Variants in ATAD2B observed in about 807,000 individuals in gnomAD.
The protein encoded by ATAD2B is ATPase family AAA domain-containing protein 2B.
ATAD2B carries 40 observed loss-of-function variants against 167.6 expected under a neutral mutation model. That is an observed-to-expected ratio of 0.24 (90% CI 0.19 to 0.31). ATAD2B has a LOEUF of 0.31. ATAD2B is among the 10% of genes least tolerant of loss of function. The pLI is 1.00. For missense variants in ATAD2B, 1,242 were observed against 1,757.2 expected (o/e 0.71, Z 5.24); for synonymous variants, 579 against 596.5 (o/e 0.97, Z 0.43).
At chr2:23,687,079 A>G in the ATAD2B span, among the ~76,000 whole-genome samples, 1 of 152,210 alleles carries the variant, frequency 6.6e-6, no homozygotes, top group Non-Finnish European at 1.5e-5. Context: ...CTGGAGACTT[A>G]CTGTGCAGTG....
the ATAD2B span, among the ~76,000 whole-genome samples, chr2:23,681,085 T>C: frequency 2.0e-5 from 3 of 152,298 alleles, no homozygotes; most frequent in Middle Eastern, 3.4e-3. This position sits in a 1 kb window ranked among gnomAD's most constrained non-coding sequence, Gnocchi z 4.2. Flanking sequence ...TGGTGTCCCC[T>C]TGTGGATTCT....
intron 21 of ATAD2B, 139 bp from the exon 22 acceptor site, chr2:23,783,167 G>A (rs542777070): frequency 2.9e-5 from 13 of 442,306 alleles, no homozygotes; most frequent in Middle Eastern, 6.2e-4. Flanking sequence ...AAATTGCAGC[G>A]CTATTTATGC....
the ATAD2B span, among the ~76,000 whole-genome samples, chr2:23,714,300 C>T: frequency 4.1e-5 from 6 of 147,366 alleles, no homozygotes; most frequent in African/African-American, 1.0e-4. Flanking sequence ...AGTGCAGTGG[C>T]GCGATCTCGG....
chr2:23,870,849 A>G (rs1354708579), intron 8 of ATAD2B, among the ~76,000 whole-genome samples: 1 of 152,156 alleles, frequency 6.6e-6, no homozygotes, highest in African/African-American at 2.4e-5. Flanking sequence ...AAAATAGTTT[A>G]TAACCAGAAC....
chr2:23,706,373 T>C, the ATAD2B span: 1 of 846,342 alleles, frequency 1.2e-6, no homozygotes, highest in Non-Finnish European at 1.6e-6. Flanking sequence ...CCAGATGCCT[T>C]CTGCAAAAGG....
intron 22 of ATAD2B, among the ~76,000 whole-genome samples, chr2:23,779,486 T>C (rs1679677187): frequency 6.6e-6 from 1 of 152,134 alleles, no homozygotes; most frequent in South Asian, 2.1e-4. Context: ...GCTGCTGGTA[T>C]AATTTTTAAG....
intron 10 of ATAD2B, among the ~76,000 whole-genome samples, chr2:23,865,529 CAA>C (rs58309800): frequency 1.3e-4 from 13 of 96,462 alleles, no homozygotes; most frequent in Admixed American, 2.2e-4. Flanking sequence ...AACTCCACCT[CAA>C]AAAAAAAAAA....
At chr2:23,695,948 C>T in the ATAD2B span, 1 of 1,550,834 alleles carries the variant, frequency 6.4e-7, no homozygotes, top group Non-Finnish European at 8.7e-7. This position sits in a 1 kb window ranked among gnomAD's most constrained non-coding sequence, Gnocchi z 7.6. Context: ...CATGTCCCTG[C>T]AGGTGTGGCT....
At chr2:23,761,135 A>G (rs2712069) in intron 24 of ATAD2B, among the ~76,000 whole-genome samples, 6,480 of 152,356 alleles carry the variant, frequency 0.043, 129 homozygotes, top group Admixed American at 0.046. Context: ...ACTACATTAC[A>G]CAATCCAAGT....
intron 13 of ATAD2B, among the ~76,000 whole-genome samples, chr2:23,840,378 GTTTTTTCAAAGAACCAACTTTATTAGT>G (rs1471735082): frequency 4.6e-5 from 7 of 152,080 alleles, no homozygotes; most frequent in Non-Finnish European, 1.0e-4. Context: ...AGGCTCGTCA[GTTTTTTCAAAGAACCAACTTTATTAGT>G]TTTTTTCAAA....
chr2:23,736,616 C>T, the ATAD2B span, among the ~76,000 whole-genome samples: 1 of 152,144 alleles, frequency 6.6e-6, no homozygotes, highest in Non-Finnish European at 1.5e-5. Context: ...CCAGCGTGAG[C>T]AATGCAGAAG....
Position 23,842,562 on chromosome 2 carries a change from G to C in ATAD2B, c.1569-8484C>G, listed in dbSNP as rs989136150. ...TTCCTTCTCTCTAGCTTTTAGTCTGGGACTAACTGCAGTGAGGGGGAGAGA... is the reference window on the plus strand; with the variant it reads ...TTCCTTCTCTCTAGCTTTTAGTCTGCGACTAACTGCAGTGAGGGGGAGAGA... On this transcript the variant is annotated intron_variant, in intron 13 of 27. Transcript: ENST00000238789. Among the ~76,000 whole-genome samples the C allele has an allele frequency of 2.0e-5, 3 of 152,222 alleles. No individual in the cohort carries two copies. The East Asian group carries it at 5.8e-4, about 29-fold the overall frequency.
chr2:23,830,568 A>C (rs548343864), intron 14 of ATAD2B, among the ~76,000 whole-genome samples: 1 of 152,198 alleles, frequency 6.6e-6, no homozygotes, highest in Non-Finnish European at 1.5e-5. Flanking sequence ...ATCAAGATAA[A>C]TCTTGCTCAA....
chr2:23,754,520 A>C, intron 26 of ATAD2B, 127 bp downstream of exon 26: 1 of 1,257,666 alleles, frequency 8.0e-7, no homozygotes. Context: ...ACTCTTTTTT[A>C]CTAGGAGCTC....
chr2:23,809,603 C>G (rs1305039648), intron 18 of ATAD2B, among the ~76,000 whole-genome samples: 1 of 152,110 alleles, frequency 6.6e-6, no homozygotes, highest in East Asian at 1.9e-4. Flanking sequence ...GCATTCCTCT[C>G]TCTAACTTAT....
chr2:23,871,813 A>G (rs1235058946), intron 8 of ATAD2B, among the ~76,000 whole-genome samples: 1 of 152,140 alleles, frequency 6.6e-6, no homozygotes, highest in Non-Finnish European at 1.5e-5. Flanking sequence ...CTTCTCTACT[A>G]ATCGGAATCC....
At chr2:23,767,059 T>C (rs559976327) in intron 22 of ATAD2B, among the ~76,000 whole-genome samples, 39 of 152,296 alleles carry the variant, frequency 2.6e-4, no homozygotes, top group African/African-American at 9.4e-4. Flanking sequence ...AAAGAATCAA[T>C]ATGTCAGTAT....
At chr2:23,921,617 A>C (rs929689841) in intron 1 of ATAD2B, among the ~76,000 whole-genome samples, 3 of 152,228 alleles carry the variant, frequency 2.0e-5, no homozygotes, top group South Asian at 4.1e-4. Flanking sequence ...TCCATGACCT[A>C]AACAACAGAA....
chr2:23,848,343 G>T (rs1018276710), intron 13 of ATAD2B, among the ~76,000 whole-genome samples: 1 of 152,090 alleles, frequency 6.6e-6, no homozygotes, highest in African/African-American at 2.4e-5. Flanking sequence ...AGCCAGGCAT[G>T]GTGGCGTGCA....
Sources: gnomAD v4.1 joint callset for allele counts (sites outside exome capture counted in the v4.1 genomes callset) on GRCh38, gnomAD v4.1.1 for gene constraint, Gnocchi (gnomAD v3.1) non-coding constraint, MANE v1.5 for transcripts, NCBI Gene and HGNC (gene_info 2026-07-23, HGNC 2026-07-21) for gene names.